The following CACNA2D1 variants were observed in gnomAD, a reference collection of about 807,000 sequenced individuals.
CACNA2D1 encodes calcium voltage-gated channel auxiliary subunit alpha2delta 1.
A neutral mutation model predicts 171.5 loss-of-function variants in CACNA2D1; 53 were observed. The ratio of observed to expected loss-of-function variants is 0.31; its 90% confidence interval spans 0.25 to 0.39. The LOEUF is 0.39. Ranked by LOEUF, CACNA2D1 falls within the 10% of genes least tolerant of loss-of-function variation. The pLI is 1.00. For missense variants in CACNA2D1, 903 were observed against 1,299.8 expected, an observed-to-expected ratio of 0.69 and a Z score of 4.69; for synonymous variants, 442 against 443.1, an observed-to-expected ratio of 1.00 and a Z score of 0.03.
chr7:82,172,781 A>G (rs2129152464), intron 3 of CACNA2D1, among the ~76,000 whole-genome samples: 1 of 146,328 alleles, frequency 6.8e-6, no homozygotes, highest in African/African-American at 2.6e-5. Flanking sequence ...ATCTTCCCCC[A>G]TTTAAAAAAA....
chr7:82,251,468 C>A (rs1805637597), intron 3 of CACNA2D1, among the ~76,000 whole-genome samples: 1 of 151,970 alleles, frequency 6.6e-6, no homozygotes, highest in African/African-American at 2.4e-5. Context: ...ATTCATGGTA[C>A]CTCAAAGGAA....
At chr7:82,168,718 A>G (rs1170276993) in intron 4 of CACNA2D1, among the ~76,000 whole-genome samples, 1 of 151,316 alleles carries the variant, frequency 6.6e-6, no homozygotes, top group African/African-American at 2.4e-5. Context: ...AACAACAATG[A>G]TATAGGCATT....
chr7:82,435,424 A>G (rs1830040033), intron 1 of CACNA2D1, among the ~76,000 whole-genome samples: 1 of 151,030 alleles, frequency 6.6e-6, no homozygotes, highest in Non-Finnish European at 1.5e-5. Context: ...CCACTCTCAC[A>G]ACATCAACCT....
intron 5 of CACNA2D1, among the ~76,000 whole-genome samples, chr7:82,128,635 T>C (rs550365471): frequency 6.6e-6 from 1 of 152,322 alleles, no homozygotes; most frequent in Non-Finnish European, 1.5e-5. Flanking sequence ...TGTATCCTTC[T>C]TTCTACACAA....
chr7:82,094,795 G>C (rs540623549), intron 6 of CACNA2D1, among the ~76,000 whole-genome samples: 4 of 146,418 alleles, frequency 2.7e-5, no homozygotes, highest in African/African-American at 1.0e-4. Flanking sequence ...AAAGATAATA[G>C]AGGATGGTAA....
intron 7 of CACNA2D1, among the ~76,000 whole-genome samples, chr7:82,067,200 G>A (rs1807748349): frequency 6.6e-6 from 1 of 151,938 alleles, no homozygotes; most frequent in African/African-American, 2.4e-5. Context: ...TAATTAAATT[G>A]ATACTTACTT....
At chr7:82,366,930 G>A (rs192997898) in intron 1 of CACNA2D1, among the ~76,000 whole-genome samples, 1,358 of 78,532 alleles carry the variant, frequency 0.017, 29 homozygotes, top group African/African-American at 0.048. Context: ...TTTTTTTGAC[G>A]GTGCCTTGCT....
chr7:82,263,172 A>T (rs1259083181), intron 3 of CACNA2D1, among the ~76,000 whole-genome samples: 1 of 135,692 alleles, frequency 7.4e-6, no homozygotes, highest in African/African-American at 2.9e-5. Context: ...ACAGTGGTGT[A>T]ATCTCAGCTC....
intron 7 of CACNA2D1, among the ~76,000 whole-genome samples, chr7:82,068,006 T>C (rs1162207903): frequency 6.6e-6 from 1 of 152,182 alleles, no homozygotes; most frequent in African/African-American, 2.4e-5. Context: ...ATTTCAAGGT[T>C]TGCCTGCAAA....
intron 7 of CACNA2D1, among the ~76,000 whole-genome samples, chr7:82,074,528 C>A (rs939250995): frequency 6.6e-6 from 1 of 152,050 alleles, no homozygotes; most frequent in African/African-American, 2.4e-5. Flanking sequence ...GTGCCTGGCC[C>A]TCCACATCAT....
chr7:82,443,849 G>A, upstream of CACNA2D1: 1 of 371,312 alleles, frequency 2.7e-6, no homozygotes, highest in East Asian at 4.9e-5. Context: ...GGCGGGGGCG[G>A]AGGAGGGGTG....
intron 6 of CACNA2D1, among the ~76,000 whole-genome samples, chr7:82,114,759 A>AG (rs1788841980): frequency 9.1e-6 from 1 of 110,080 alleles, no homozygotes; most frequent in South Asian, 3.7e-4. Context: ...CCGTCCCAGA[A>AG]GAAAAAAAAA....
At chr7:82,175,007 A>C (rs1796415397) in intron 3 of CACNA2D1, among the ~76,000 whole-genome samples, 1 of 152,066 alleles carries the variant, frequency 6.6e-6, no homozygotes, top group African/African-American at 2.4e-5. Context: ...AGTATTATAC[A>C]GTATATAAAG....
chr7:81,959,923 AAATATGACATCTGAAAC>A, intron 36 of CACNA2D1, 94 bp from the exon 37 acceptor site: 1 of 1,509,806 alleles, frequency 6.6e-7, no homozygotes, highest in East Asian at 2.5e-5. Flanking sequence ...ATGAAAGACA[AAATATGACATCTGAAAC>A]AGAAACCATT....
chr7:82,176,585 A>C (rs565342621), intron 3 of CACNA2D1, among the ~76,000 whole-genome samples: 1 of 151,974 alleles, frequency 6.6e-6, no homozygotes, highest in South Asian at 2.1e-4. Context: ...GGATTTGAGG[A>C]TTAAAAGTTA....
At chr7:82,248,681 A>T (rs1805227463) in intron 3 of CACNA2D1, among the ~76,000 whole-genome samples, 1 of 152,148 alleles carries the variant, frequency 6.6e-6, no homozygotes, top group African/African-American at 2.4e-5. Flanking sequence ...CTGCATCTCA[A>T]ATTATAAAAC....
chr7:82,366,366 C>T (rs187947693), intron 1 of CACNA2D1, among the ~76,000 whole-genome samples: 176 of 152,256 alleles, frequency 1.2e-3, no homozygotes, highest in Non-Finnish European at 2.3e-3. Context: ...TTTTTCACTC[C>T]TTGACCCCCT....
At chr7:82,358,240 TA>T (rs2129446878) in intron 1 of CACNA2D1, among the ~76,000 whole-genome samples, 1 of 152,260 alleles carries the variant, frequency 6.6e-6, no homozygotes, top group South Asian at 2.1e-4. Flanking sequence ...AGTGTTCCTG[TA>T]GTTGGGTAAA....
intron 3 of CACNA2D1, among the ~76,000 whole-genome samples, chr7:82,288,781 G>A (rs1005036568): frequency 6.6e-6 from 1 of 152,142 alleles, no homozygotes; most frequent in Admixed American, 6.5e-5. Flanking sequence ...AATAAGTTTA[G>A]GCATGAATTC....
Sources: gnomAD v4.1 joint callset for allele counts (sites outside exome capture counted in the v4.1 genomes callset) on GRCh38, gnomAD v4.1.1 for gene constraint, MANE v1.5 for transcripts, NCBI Gene and HGNC (gene_info 2026-07-23, HGNC 2026-07-21) for gene names.